GRIK4: variants seen among roughly 807,000 people sequenced by gnomAD.
GRIK4 encodes the protein glutamate receptor ionotropic, kainate 4.
GRIK4 carries 40 observed loss-of-function variants against 104.9 expected under a neutral mutation model. The ratio of observed to expected loss-of-function variants is 0.38; its 90% CI spans 0.30 to 0.50. The LOEUF (loss-of-function observed/expected upper bound fraction) is 0.50. Among genes scored for constraint, GRIK4 ranks in the 20% least tolerant of loss-of-function variants. GRIK4 has a pLI of 0.93. For missense variants in GRIK4, 1,047 were observed against 1,308.1 expected (o/e 0.80, Z 3.08); for synonymous variants, 485 against 524.9 (o/e 0.92, Z 1.04).
intron 13 of GRIK4, among the ~76,000 whole-genome samples, chr11:120,920,966 A>G (rs1239166766): frequency 2.0e-5 from 3 of 152,132 alleles, no homozygotes; most frequent in Non-Finnish European, 4.4e-5. Flanking sequence ...TGGACACAGC[A>G]TGGTCAGTTC....
At chr11:120,814,383 T>TG (rs1952889577) in intron 4 of GRIK4, among the ~76,000 whole-genome samples, 9 of 152,084 alleles carry the variant, frequency 5.9e-5, no homozygotes, top group Admixed American at 5.9e-4. Context: ...GTGGATCACT[T>TG]GAGGTCAGGA....
chr11:120,565,506 G>A (rs1309567779), intron 1 of GRIK4, among the ~76,000 whole-genome samples: 28 of 152,212 alleles, frequency 1.8e-4, no homozygotes, highest in Non-Finnish European at 1.5e-5. Context: ...TGTGTGTAGT[G>A]CCTCCTGAAT....
chr11:120,914,215 A>T (rs1204051089), intron 13 of GRIK4, among the ~76,000 whole-genome samples: 1 of 152,242 alleles, frequency 6.6e-6, no homozygotes, highest in African/African-American at 2.4e-5. Flanking sequence ...ACTCAAAGAG[A>T]CGGACAGGTA....
chr11:120,751,654 G>T (rs1235901627), intron 3 of GRIK4, among the ~76,000 whole-genome samples: 1 of 152,192 alleles, frequency 6.6e-6, no homozygotes, highest in African/African-American at 2.4e-5. Flanking sequence ...CCACCTGGAT[G>T]CAATAAAAGC....
At chr11:120,862,426 C>G (rs974503676) in intron 9 of GRIK4, 12 of 282,240 alleles carry the variant, frequency 4.3e-5, no homozygotes, top group Non-Finnish European at 6.6e-5. Flanking sequence ...GTTTAGGATC[C>G]AAGAATCGGT....
At chr11:120,552,965 A>C (rs1948153851) in intron 1 of GRIK4, among the ~76,000 whole-genome samples, 1 of 151,476 alleles carries the variant, frequency 6.6e-6, no homozygotes, top group African/African-American at 2.4e-5. Context: ...ATGCCACTGC[A>C]TTACAGCGTG....
At chr11:120,584,591 C>T (rs1477886064) in intron 1 of GRIK4, among the ~76,000 whole-genome samples, 3 of 152,170 alleles carry the variant, frequency 2.0e-5, no homozygotes, top group Non-Finnish European at 4.4e-5. Flanking sequence ...GTGAAGACAG[C>T]ACCAAACCAC....
At chr11:120,853,353 T>C (rs535441982) in intron 8 of GRIK4, among the ~76,000 whole-genome samples, 4 of 152,206 alleles carry the variant, frequency 2.6e-5, no homozygotes, top group East Asian at 3.9e-4. Flanking sequence ...AAAAGATCTC[T>C]CCAGCAATAA....
chr11:120,780,097 A>G (rs1952123698), intron 3 of GRIK4, among the ~76,000 whole-genome samples: 1 of 152,234 alleles, frequency 6.6e-6, no homozygotes, highest in South Asian at 2.1e-4. Flanking sequence ...ATGAGATACA[A>G]ATGAGACACA....
chr11:120,900,731 G>T (rs572952078), intron 12 of GRIK4, among the ~76,000 whole-genome samples: 1 of 152,154 alleles, frequency 6.6e-6, no homozygotes. Context: ...CGGGGGAGGG[G>T]TATTCTTGGC....
intron 8 of GRIK4, among the ~76,000 whole-genome samples, chr11:120,843,700 C>T (rs1416421212): frequency 1.9e-3 from 2 of 1,042 alleles, no homozygotes; most frequent in East Asian, 0.25. Context: ...TGCTGGGCTT[C>T]GGTTTTTTTA....
At chr11:120,600,252 C>T (rs948291765) in intron 1 of GRIK4, among the ~76,000 whole-genome samples, 101 of 152,300 alleles carry the variant, frequency 6.6e-4, no homozygotes, top group African/African-American at 2.3e-3. Context: ...CTTCCGGCTT[C>T]TCAGCGTGGC....
chr11:120,815,159 A>G (rs1316413373), intron 4 of GRIK4, among the ~76,000 whole-genome samples: 1 of 152,188 alleles, frequency 6.6e-6, no homozygotes, highest in Non-Finnish European at 1.5e-5. Context: ...TCATTTCCTC[A>G]TTTAATGCTG....
chr11:120,929,517 C>G (rs1321599304), intron 13 of GRIK4, among the ~76,000 whole-genome samples: 1 of 152,170 alleles, frequency 6.6e-6, no homozygotes, highest in Non-Finnish European at 1.5e-5. Flanking sequence ...AGCAGATAAT[C>G]TAATTTGAAA....
At chr11:120,616,956 A>G (rs1949125108) in intron 1 of GRIK4, among the ~76,000 whole-genome samples, 1 of 152,216 alleles carries the variant, frequency 6.6e-6, no homozygotes, top group Non-Finnish European at 1.5e-5. Flanking sequence ...TAAGAGGCTT[A>G]AAAGCCTCTG....
intron 6 of GRIK4, among the ~76,000 whole-genome samples, chr11:120,828,042 A>C (rs1201029479): frequency 6.6e-6 from 1 of 152,134 alleles, no homozygotes; most frequent in Non-Finnish European, 1.5e-5. Flanking sequence ...CAGGCACCCA[A>C]GTCAGCTGCT....
At chr11:120,717,274 C>A (rs1950851624) in intron 3 of GRIK4, among the ~76,000 whole-genome samples, 1 of 152,154 alleles carries the variant, frequency 6.6e-6, no homozygotes, top group Non-Finnish European at 1.5e-5. Flanking sequence ...GGGTGGTGGG[C>A]AACGCTGCAG....
intron 1 of GRIK4, chr11:120,620,246 A>G: frequency 1.3e-6 from 1 of 760,468 alleles, no homozygotes; most frequent in Non-Finnish European, 2.5e-6. Context: ...CAGCCACCCT[A>G]ATAGGTTTTC....
intron 3 of GRIK4, among the ~76,000 whole-genome samples, chr11:120,779,344 T>C (rs2846098): frequency 0.33 from 49,690 of 151,988 alleles, 11,687 homozygotes; most frequent in African/African-American, 0.67. Flanking sequence ...GGGCAGCTGG[T>C]GGGTGGGTCC....
Sources: allele counts gnomAD v4.1 joint callset (sites outside exome capture counted in the v4.1 genomes callset), GRCh38; gene constraint gnomAD v4.1.1; transcripts MANE v1.5; gene names NCBI Gene and HGNC (gene_info 2026-07-23, HGNC 2026-07-21).